Variants in TACR1 observed in about 807,000 individuals in gnomAD.
The protein encoded by TACR1 is substance-P receptor.
A neutral mutation model predicts 35.8 loss-of-function variants in TACR1; 25 were observed. The ratio of observed to expected loss-of-function variants is 0.70; its 90% CI spans 0.51 to 0.98. The LOEUF is 0.98. Ranked by LOEUF, TACR1 falls within the 50% of genes least tolerant of loss-of-function variation. TACR1 has a pLI of 0.00. For synonymous variants in TACR1, 195 were observed against 206.7 expected (o/e 0.94, Z 0.48); for missense variants, 478 against 522.9 (o/e 0.91, Z 0.84).
intron 2 of TACR1, among the ~76,000 whole-genome samples, chr2:75,058,676 A>G (rs1479832350): frequency 6.6e-6 from 1 of 152,232 alleles, no homozygotes; most frequent in Non-Finnish European, 1.5e-5. Context: ...TCAAGCAACA[A>G]CTTCATGCCT....
At chr2:75,157,096 G>A (rs894839771) in intron 1 of TACR1, among the ~76,000 whole-genome samples, 8 of 152,144 alleles carry the variant, frequency 5.3e-5, no homozygotes, top group Non-Finnish European at 8.8e-5. Context: ...ACAGAGGCTA[G>A]AAGGGATTAT....
At chr2:75,076,060 G>T (rs1394552496) in intron 2 of TACR1, among the ~76,000 whole-genome samples, 1 of 152,230 alleles carries the variant, frequency 6.6e-6, no homozygotes, top group Admixed American at 6.5e-5. Flanking sequence ...TTTGTGCTTT[G>T]ATCTGCCTTT....
chr2:75,155,532 C>G (rs534641753), intron 1 of TACR1, among the ~76,000 whole-genome samples: 4 of 152,274 alleles, frequency 2.6e-5, no homozygotes, highest in Middle Eastern at 3.4e-3. Flanking sequence ...TCCAGCTCAC[C>G]TGTAAAATCT....
intron 1 of TACR1, among the ~76,000 whole-genome samples, chr2:75,154,801 A>T (rs1335823667): frequency 1.4e-5 from 2 of 141,750 alleles, no homozygotes; most frequent in Non-Finnish European, 2.9e-5. Flanking sequence ...GAGTCCCCTA[A>T]AAGACCTTCT....
At chr2:75,150,870 A>C (rs1256447685) in intron 1 of TACR1, among the ~76,000 whole-genome samples, 1 of 152,228 alleles carries the variant, frequency 6.6e-6, no homozygotes, top group Non-Finnish European at 1.5e-5. Context: ...TATGGACAAT[A>C]AAATCCAGGC....
chr2:75,108,231 A>G (rs1198533014), intron 2 of TACR1, among the ~76,000 whole-genome samples: 1 of 151,980 alleles, frequency 6.6e-6, no homozygotes, highest in Non-Finnish European at 1.5e-5. Context: ...AGAAAACCAA[A>G]CAAATATTAC....
chr2:75,129,060 C>T (rs182568771), intron 1 of TACR1, among the ~76,000 whole-genome samples: 1 of 152,114 alleles, frequency 6.6e-6, no homozygotes, highest in Non-Finnish European at 1.5e-5. Context: ...AATAGGACCA[C>T]ATTAGCTCCA....
intron 2 of TACR1, among the ~76,000 whole-genome samples, chr2:75,099,778 C>G (rs1362751387): frequency 6.6e-6 from 1 of 152,158 alleles, no homozygotes; most frequent in African/African-American, 2.4e-5. Context: ...TATCGACTTC[C>G]TCAGGGCTTT....
At chr2:75,079,275 G>A (rs1673035147) in intron 2 of TACR1, among the ~76,000 whole-genome samples, 1 of 152,032 alleles carries the variant, frequency 6.6e-6, no homozygotes, top group African/African-American at 2.4e-5. Context: ...GGCCGCTGCT[G>A]TAGGGTTGCT....
chr2:75,108,188 C>A (rs1053174454), intron 2 of TACR1, among the ~76,000 whole-genome samples: 14 of 151,936 alleles, frequency 9.2e-5, no homozygotes, highest in Non-Finnish European at 1.9e-4. Context: ...GCATCCCTAG[C>A]CTTGATACCA....
intron 1 of TACR1, among the ~76,000 whole-genome samples, chr2:75,180,297 G>A (rs909169388): frequency 1.2e-4 from 19 of 152,070 alleles, no homozygotes; most frequent in African/African-American, 4.6e-4. Flanking sequence ...GTTCTTTGTT[G>A]TATCCTTAGA....
Position 75,120,575 on chromosome 2 carries a change from C to A in TACR1, c.583G>T (p.Val195Leu). 1 of 1,597,470 alleles carries A rather than the reference C, an allele frequency of 6.3e-7. No individual in the cohort carries two copies. Among genetic ancestry groups the A allele is most frequent in the African/African-American group, 1.3e-5 (1 of 74,670 alleles). Reference protein sequence around the residue: ...PEHPNKIYEKVYHICVTVLIY... With the variant: ...PEHPNKIYEKLYHICVTVLIY... ...GCATGGGGAGTCATCTCTACTCACA[C>A]TTTCTCATAAATCTTGTTCGGATGC... Residue 195 changes from valine (V) to leucine (L), a missense_variant and splice_region_variant, in exon 2 of 5, where the codon GTG becomes TTG. Val to Leu is a conservative substitution (Grantham distance 32). Coordinates refer to ENST00000305249, the MANE Select transcript of TACR1 (RefSeq NM_001058.4).
chr2:75,074,257 T>C (rs747525372), intron 2 of TACR1, among the ~76,000 whole-genome samples: 28 of 152,292 alleles, frequency 1.8e-4, no homozygotes, highest in Admixed American at 3.9e-4. Context: ...TGGCAAGTGT[T>C]GGCTGTGTAG....
chr2:75,189,034 A>G (rs1013469495), intron 1 of TACR1: 2 of 152,184 alleles, frequency 1.3e-5, no homozygotes, highest in African/African-American at 4.8e-5. Flanking sequence ...TCATGTCAAT[A>G]AAAAGGTAAA....
chr2:75,108,438 A>G (rs1292334306), intron 2 of TACR1, among the ~76,000 whole-genome samples: 1 of 152,198 alleles, frequency 6.6e-6, no homozygotes, highest in African/African-American at 2.4e-5. Flanking sequence ...TCGTACTAGG[A>G]ATAGTATAAT....
chr2:75,056,311 A>C (rs1302124720), intron 2 of TACR1, among the ~76,000 whole-genome samples: 1 of 152,190 alleles, frequency 6.6e-6, no homozygotes, highest in African/African-American at 2.4e-5. Flanking sequence ...TATGCAAACT[A>C]ACCGAAACAA....
chr2:75,104,486 A>G (rs1416782042), intron 2 of TACR1, among the ~76,000 whole-genome samples: 1 of 152,110 alleles, frequency 6.6e-6, no homozygotes, highest in Non-Finnish European at 1.5e-5. Context: ...TCATCTAGAC[A>G]GAAAATTAGT....
chr2:75,069,142 A>G (rs1301594397), intron 2 of TACR1, among the ~76,000 whole-genome samples: 2 of 152,144 alleles, frequency 1.3e-5, no homozygotes, highest in South Asian at 2.1e-4. Flanking sequence ...GCCACCATGT[A>G]AGATGTGACT....
At chr2:75,134,829 C>T (rs1674248063) in intron 1 of TACR1, among the ~76,000 whole-genome samples, 1 of 152,176 alleles carries the variant, frequency 6.6e-6, no homozygotes, top group African/African-American at 2.4e-5. Flanking sequence ...CGATCCCTTT[C>T]TTCTTTCTAT....
Sources: allele counts gnomAD v4.1 joint callset (sites outside exome capture counted in the v4.1 genomes callset), GRCh38; gene constraint gnomAD v4.1.1; transcripts MANE v1.5; gene names NCBI Gene and HGNC (gene_info 2026-07-23, HGNC 2026-07-21).